The following CRYBG1 variants were observed in gnomAD, a reference collection of about 807,000 sequenced individuals.
CRYBG1 encodes beta/gamma crystallin domain-containing protein 1.
In CRYBG1, 139 loss-of-function variants were observed where a neutral mutation model predicts 189.2. The ratio of observed to expected loss-of-function variants is 0.73; its 90% confidence interval spans 0.64 to 0.85. The LOEUF is 0.85. CRYBG1 is among the 40% of genes least tolerant of loss of function. The pLI is 0.00. For missense variants in CRYBG1, 2,611 were observed against 2,675.8 expected (o/e 0.98, Z 0.53); for synonymous variants, 1,023 against 1,017.1 (o/e 1.01, Z -0.11).
chr6:106,530,658 T>C (rs1464689629), intron 8 of CRYBG1, among the ~76,000 whole-genome samples: 1 of 144,076 alleles, frequency 6.9e-6, no homozygotes, highest in African/African-American at 2.5e-5. Flanking sequence ...CACATGCCCC[T>C]GATATTTCTG....
Position 106,511,679 on chromosome 6 carries a change from G to GA in CRYBG1, c.563dup (p.Asn189GlufsTer20), listed in dbSNP as rs1312048171. On this transcript the variant is annotated frameshift_variant, in exon 3 of 22. Transcript: ENST00000633556. LOFTEE classifies it high-confidence loss of function. ...CACAAGCGAGGAGGGCTCCCCGCGGGAGAATCCCCGAGAGGCAGAGGGCGA... is the reference window on the plus strand; with the variant it reads ...CACAAGCGAGGAGGGCTCCCCGCGGGAAGAATCCCCGAGAGGCAGAGGGCGA... 1.3e-6 allele frequency: 2 copies of GA among 1,535,658 alleles called. No individual in the cohort carries two copies. The highest frequency in any genetic ancestry group is 1.7e-6 in the Non-Finnish European group (2 of 1,146,650).
rs1185503556 is a variant in CRYBG1, at chr6:106,451,705, T to C, written c.185T>C (p.Val62Ala). The C allele has an allele frequency of 6.5e-7, 1 of 1,533,540 alleles. No individual in the cohort carries two copies. The highest frequency in any genetic ancestry group is 1.2e-5 in the South Asian group (1 of 83,720). 95.0% of individuals were successfully genotyped at this position (1,533,540 alleles called of 1,614,324 possible). ...APAGEARALDVVDGKYVVRDS... is the reference protein window; with the variant it reads ...APAGEARALDAVDGKYVVRDS... ...TCCGTTCTTTGCAGAGCTTTGGATGTAGTCGATGGAAAATATGTGGTTCGA... is the reference window on the plus strand; with the variant it reads ...TCCGTTCTTTGCAGAGCTTTGGATGCAGTCGATGGAAAATATGTGGTTCGA... Residue 62 changes from valine to alanine, a missense_variant, in exon 2 of 22, where the codon GTA (valine) becomes GCA (alanine). Coordinates refer to ENST00000633556, the MANE Select transcript of CRYBG1 (RefSeq NM_001371242.2).
intron 1 of CRYBG1, among the ~76,000 whole-genome samples, chr6:106,400,078 G>A (rs964323923): frequency 6.9e-6 from 1 of 145,512 alleles, no homozygotes. Context: ...AGAGTTTGCA[G>A]TGAGCTGAGT....
intron 16 of CRYBG1, among the ~76,000 whole-genome samples, chr6:106,554,575 G>C (rs1774490238): frequency 6.6e-6 from 1 of 152,092 alleles, no homozygotes; most frequent in African/African-American, 2.4e-5. Context: ...TCATAGCACT[G>C]CACTCTAGCC....
intron 3 of CRYBG1, among the ~76,000 whole-genome samples, chr6:106,517,679 C>T (rs1162742088): frequency 6.6e-6 from 1 of 151,992 alleles, no homozygotes; most frequent in Non-Finnish European, 1.5e-5. Context: ...CCCAGGGATT[C>T]CTTCAACCAT....
rs772589592 is a variant in CRYBG1 at position 106,512,529 on chromosome 6, G to A, written c.1412G>A (p.Arg471Gln). The change falls in exon 3 of 22, where the codon CGG (arginine) becomes CAG (glutamine). Residue 471 changes from arginine (R) to glutamine (Q), a missense_variant. Arg to Gln is a conservative substitution (Grantham distance 43, BLOSUM62 1). Coordinates refer to ENST00000633556, the MANE Select transcript of CRYBG1 (RefSeq NM_001371242.2). Reference sequence around the variant, plus strand: ...GCGGAAAAGAAAGTGAAATCTCCGCGGGCAGCCCTCGACGGGGGCGTTGCC... The same window carrying A: ...GCGGAAAAGAAAGTGAAATCTCCGCAGGCAGCCCTCGACGGGGGCGTTGCC... ...ASAEKKVKSP[R>Q]AALDGGVASA... The A allele has an allele frequency of 4.3e-6, 7 of 1,609,308 alleles. No individual in the cohort carries two copies. The highest frequency in any genetic ancestry group is 4.5e-5 in the East Asian group (2 of 44,722).
At chr6:106,432,743 G>A (rs1771354138) in intron 1 of CRYBG1, among the ~76,000 whole-genome samples, 1 of 152,106 alleles carries the variant, frequency 6.6e-6, no homozygotes, top group Non-Finnish European at 1.5e-5. Context: ...TGGCCTTTGA[G>A]GCCCCTCCAT....
At chr6:106,504,045 A>T (rs1218444550) in intron 2 of CRYBG1, among the ~76,000 whole-genome samples, 2 of 146,584 alleles carry the variant, frequency 1.4e-5, no homozygotes, top group Non-Finnish European at 3.0e-5. Flanking sequence ...AAAAAAAAAA[A>T]AAACCACAAC....
chr6:106,490,325 A>T (rs1772692164), intron 2 of CRYBG1, among the ~76,000 whole-genome samples: 1 of 152,256 alleles, frequency 6.6e-6, no homozygotes, highest in South Asian at 2.1e-4. Context: ...TAAAGGAATA[A>T]GGACAGAAAG....
chr6:106,529,036 C>T (rs1228372293), intron 7 of CRYBG1, among the ~76,000 whole-genome samples: 2 of 151,944 alleles, frequency 1.3e-5, no homozygotes, highest in Non-Finnish European at 2.9e-5. Context: ...TTCTGCCTCC[C>T]AGGGGTTCAA....
chr6:106,422,929 T>G (rs1771156703), intron 1 of CRYBG1, among the ~76,000 whole-genome samples: 2 of 152,156 alleles, frequency 1.3e-5, no homozygotes, highest in South Asian at 4.1e-4. Flanking sequence ...AGAAGTGAAG[T>G]AGATTAAAAG....
chr6:106,433,773 G>C (rs6936663), intron 1 of CRYBG1, among the ~76,000 whole-genome samples: 1 of 36,456 alleles, frequency 2.7e-5, no homozygotes, highest in Non-Finnish European at 5.3e-5. Flanking sequence ...ATATATATAT[G>C]TATATATATA....
chr6:106,459,882 A>T (rs1582775145), intron 2 of CRYBG1, among the ~76,000 whole-genome samples: 1 of 152,230 alleles, frequency 6.6e-6, no homozygotes, highest in East Asian at 1.9e-4. Context: ...TTACACTTCC[A>T]ACAGTAAATA....
At chr6:106,568,347 G>T (rs918527730) in intron 21 of CRYBG1, 125 bp from the exon 22 acceptor site, 8 of 722,012 alleles carry the variant, frequency 1.1e-5, no homozygotes, top group Non-Finnish European at 1.8e-5. Context: ...TTGCCTCCTT[G>T]AGGCATGCAG....
chr6:106,405,550 C>T (rs956641032), intron 1 of CRYBG1, among the ~76,000 whole-genome samples: 2 of 152,258 alleles, frequency 1.3e-5, no homozygotes, highest in African/African-American at 4.8e-5. Context: ...GACAGACTGT[C>T]TCCTCAAGTG....
At position 106,559,341 on chromosome 6, in the gene CRYBG1, G is replaced by A. The variant is rs141008955; in HGVS notation, c.5855+716G>A. Among the ~76,000 whole-genome samples the A allele has an allele frequency of 7.2e-5, 11 of 152,244 alleles. 1 individual carries two copies. The highest frequency in any genetic ancestry group is 1.9e-4 in the African/African-American group (8 of 41,546). ...GAAAGATTTTTTTCCCCTCAACTTC[G>A]AATACTTTTGAATAAGATATAAAAA... On this transcript the variant is annotated intron_variant, in intron 18 of 21. Coordinates refer to ENST00000633556, the MANE Select transcript of CRYBG1 (RefSeq NM_001371242.2).
At chr6:106,548,849 C>T (rs1314356460) in intron 13 of CRYBG1, among the ~76,000 whole-genome samples, 41 of 150,942 alleles carry the variant, frequency 2.7e-4, no homozygotes, top group Non-Finnish European at 8.9e-5. Context: ...CCCATTAACT[C>T]GTCATCTAGC....
intron 1 of CRYBG1, among the ~76,000 whole-genome samples, chr6:106,387,040 T>C (rs1223249930): frequency 1.3e-5 from 2 of 152,202 alleles, no homozygotes; most frequent in Non-Finnish European, 2.9e-5. Flanking sequence ...TTTCAAGGGA[T>C]TTACCATGGA....
chr6:106,371,674 T>C (rs1190044617), intron 1 of CRYBG1, among the ~76,000 whole-genome samples: 1 of 152,248 alleles, frequency 6.6e-6, no homozygotes, highest in Admixed American at 6.5e-5. Context: ...TGTATTCCTG[T>C]GTATCAGTAT....
Sources: allele counts gnomAD v4.1 joint callset (sites outside exome capture counted in the v4.1 genomes callset), GRCh38; gene constraint gnomAD v4.1.1; transcripts MANE v1.5; gene names NCBI Gene and HGNC (gene_info 2026-07-23, HGNC 2026-07-21).